The following ITCH variants were observed in gnomAD, a reference collection of about 807,000 sequenced individuals.
ITCH encodes the protein E3 ubiquitin-protein ligase Itchy homolog.
ITCH carries 28 observed loss-of-function variants against 126.8 expected under a neutral mutation model. The observed-to-expected ratio is 0.22, with a 90% CI of 0.16 to 0.30. ITCH has a LOEUF of 0.30. Ranked by LOEUF, ITCH falls within the 10% of genes least tolerant of loss-of-function variation. The probability of loss-of-function intolerance (pLI) is 1.00; values close to 1 mark genes in which losing one functional copy is unlikely to be tolerated. For missense variants in ITCH, 631 were observed against 1,032.4 expected, an observed-to-expected ratio of 0.61 and a Z score of 5.33; for synonymous variants, 342 against 340.0, an observed-to-expected ratio of 1.01 and a Z score of -0.06.
At chr20:34,383,836 C>CTTTT (rs745864966) in intron 2 of ITCH, among the ~76,000 whole-genome samples, 6 of 68,642 alleles carry the variant, frequency 8.7e-5, no homozygotes, top group Non-Finnish European at 1.1e-4. Context: ...GTCTGTAATT[C>CTTTT]TTTTTTTTTT....
chr20:34,440,632 T>C (rs1310899010), intron 9 of ITCH, among the ~76,000 whole-genome samples: 1 of 152,064 alleles, frequency 6.6e-6, no homozygotes, highest in Non-Finnish European at 1.5e-5. Context: ...AATTTTTGTA[T>C]TTTTAGTAGG....
intron 2 of ITCH, among the ~76,000 whole-genome samples, chr20:34,377,979 C>T (rs1297220314): frequency 2.7e-5 from 4 of 150,112 alleles, no homozygotes; most frequent in Non-Finnish European, 5.9e-5. Context: ...ATGTTATTTT[C>T]TAAATAAGAT....
chr20:34,427,107 GACA>G (rs1320081379), intron 7 of ITCH, among the ~76,000 whole-genome samples: 2 of 152,246 alleles, frequency 1.3e-5, no homozygotes, highest in East Asian at 3.9e-4. Flanking sequence ...AAAAGTTAAA[GACA>G]ACTCATCAAG....
At chr20:34,470,431 T>C (rs1022612425) in intron 15 of ITCH, among the ~76,000 whole-genome samples, 9 of 150,368 alleles carry the variant, frequency 6.0e-5, no homozygotes, top group Non-Finnish European at 1.0e-4. Context: ...AATATATATA[T>C]ATATATATTT....
rs181634001 is a variant in ITCH at position 34,393,206 on chromosome 20, A to G, written c.-21-585A>G. 3.3e-5 allele frequency among the ~76,000 whole-genome samples: 5 copies of G among 152,270 alleles called. No individual in the cohort carries two copies. In the East Asian group the frequency reaches 7.7e-4, roughly 24 times the overall value. The stretch of plus-strand genomic sequence containing the variant: ...TTTGGCCCCTGTATTACTAACAAGC[A>G]TTGACTTCTAAATGGGTAATTTGGT... On this transcript the variant is annotated intron_variant, in intron 2 of 24. Coordinates refer to ENST00000374864, the MANE Select transcript of ITCH (RefSeq NM_031483.7).
At chr20:34,437,756 T>C (rs1288981251) in intron 7 of ITCH, among the ~76,000 whole-genome samples, 1 of 152,228 alleles carries the variant, frequency 6.6e-6, no homozygotes, top group Non-Finnish European at 1.5e-5. Context: ...TGCCCTTGTT[T>C]CTAATCTATG....
chr20:34,417,240 G>T (rs1401277481), intron 6 of ITCH: 1 of 616,708 alleles, frequency 1.6e-6, no homozygotes, highest in East Asian at 3.0e-5. Context: ...GGGTTTACAG[G>T]TATGCACCAC....
chr20:34,486,343 C>T (rs749471722), intron 20 of ITCH, among the ~76,000 whole-genome samples: 2 of 149,214 alleles, frequency 1.3e-5, no homozygotes, highest in African/African-American at 2.5e-5. Context: ...TTTTTTCCCC[C>T]GAGACAGAGT....
chr20:34,392,585 A>G (rs1421578844), intron 2 of ITCH, among the ~76,000 whole-genome samples: 1 of 152,232 alleles, frequency 6.6e-6, no homozygotes. Context: ...ATTTGCATAA[A>G]AACTCAAGAC....
chr20:34,487,828 AC>A (rs1989235615), intron 20 of ITCH, among the ~76,000 whole-genome samples: 1 of 152,162 alleles, frequency 6.6e-6, no homozygotes, highest in African/African-American at 2.4e-5. Flanking sequence ...AATCCCAGCT[AC>A]TTGGGAGGCT....
chr20:34,410,813 A>G lies in ITCH; in HGVS notation c.213-1702A>G, dbSNP rs947186801. Among the ~76,000 whole-genome samples, 5 of 152,330 alleles carry G rather than the reference A, an allele frequency of 3.3e-5. No homozygotes were observed. In the East Asian group the frequency reaches 7.7e-4, roughly 23 times the overall value. On this transcript the variant is annotated intron_variant, in intron 4 of 24. Transcript: ENST00000374864. Reference sequence around the variant, plus strand: ...TGCTTTGAGTGCGTACTTGATATGCACTTGGAGGCTCTTAAGCTGTTAATG... The same window carrying G: ...TGCTTTGAGTGCGTACTTGATATGCGCTTGGAGGCTCTTAAGCTGTTAATG...
In ITCH at chr20:34,379,897, C is replaced by G. The variant is rs1423007050; in HGVS notation, c.-22+10427C>G. ...CAGGCGTGAACCACTGCACCCGGCC[C>G]CCCCCCCCCTTTTTTTTTGAGACAG... On this transcript the variant is annotated intron_variant, in intron 2 of 24. Transcript: ENST00000374864. Among the ~76,000 whole-genome samples, 3 of 134,278 alleles carry G rather than the reference C, an allele frequency of 2.2e-5. 1 individual carries two copies. Among genetic ancestry groups the G allele is most frequent in the African/African-American group, 8.8e-5 (3 of 34,130 alleles). The allele number at this position is 134,278 out of a possible 152,430, so 88.1% of individuals were successfully genotyped here. A position where few individuals can be genotyped will look rare whatever the true frequency, so the allele number is the denominator to read the frequency against.
chr20:34,391,429 A>G (rs2038487842), intron 2 of ITCH, among the ~76,000 whole-genome samples: 4 of 152,150 alleles, frequency 2.6e-5, no homozygotes, highest in Admixed American at 1.3e-4. Context: ...ACCCCACCCC[A>G]ACTCATGCAT....
chr20:34,491,545 T>C (rs888939938), intron 22 of ITCH, among the ~76,000 whole-genome samples: 2 of 151,034 alleles, frequency 1.3e-5, no homozygotes, highest in African/African-American at 4.9e-5. Flanking sequence ...ATCGAGAATT[T>C]ATGTTGTGTA....
intron 14 of ITCH, 105 bp from the exon 15 acceptor site, chr20:34,469,943 A>T: frequency 1.2e-6 from 1 of 841,438 alleles, no homozygotes; most frequent in South Asian, 1.3e-5. Flanking sequence ...TATATTTTTG[A>T]ATTTGGTTAG....
chr20:34,442,295 A>G lies in ITCH; in HGVS notation c.957A>G (p.Leu319=). The part of the protein sequence containing the change: ...KRTTWDRPEP[L]PPGWERRVDN... Reference sequence around the variant, plus strand: ...CAACATGGGATAGACCAGAACCTCTACCTCCTGGGTAAGTATCTAAATTTA... The same window carrying G: ...CAACATGGGATAGACCAGAACCTCTGCCTCCTGGGTAAGTATCTAAATTTA... Residue 319 remains leucine, a synonymous_variant, in exon 10 of 25, where the codon CTA becomes CTG. Coordinates refer to ENST00000374864, the MANE Select transcript of ITCH (RefSeq NM_031483.7). 3 of 1,603,486 alleles carry G rather than the reference A, an allele frequency of 1.9e-6. No homozygotes were observed. Among genetic ancestry groups the G allele is most frequent in the African/African-American group, 1.3e-5 (1 of 74,824 alleles).
chr20:34,501,034 A>G (rs531657260), intron 23 of ITCH, among the ~76,000 whole-genome samples: 121 of 152,058 alleles, frequency 8.0e-4, no homozygotes, highest in African/African-American at 2.5e-3. Context: ...TTGGCTGCCA[A>G]TTTTTTTCTT....
intron 3 of ITCH, among the ~76,000 whole-genome samples, chr20:34,394,209 C>CAAA (rs59876098): frequency 0.021 from 1,295 of 62,664 alleles, 65 homozygotes; most frequent in African/African-American, 0.061. Context: ...GAGACTGTCT[C>CAAA]AAAAAAAAAA....
intron 7 of ITCH, among the ~76,000 whole-genome samples, chr20:34,435,431 A>G (rs1002161647): frequency 2.0e-5 from 3 of 152,104 alleles, no homozygotes; most frequent in African/African-American, 7.2e-5. Context: ...GGCCTCCTTA[A>G]GTGCTGGGAT....
Sources: allele counts gnomAD v4.1 joint callset (sites outside exome capture counted in the v4.1 genomes callset), GRCh38; gene constraint gnomAD v4.1.1; transcripts MANE v1.5; gene names NCBI Gene and HGNC (gene_info 2026-07-23, HGNC 2026-07-21).